Variants in ZEB1 observed in about 807,000 individuals in gnomAD.
ZEB1 encodes the protein zinc finger E-box-binding homeobox 1.
In ZEB1, 21 loss-of-function variants were observed where a neutral mutation model predicts 84.9. The ratio of observed to expected loss-of-function variants is 0.25; its 90% CI spans 0.18 to 0.36. The LOEUF (loss-of-function observed/expected upper bound fraction) is 0.36. ZEB1 is among the 10% of genes least tolerant of loss of function. The probability of loss-of-function intolerance (pLI) is 1.00; values close to 1 mark genes in which losing one functional copy is unlikely to be tolerated. For synonymous variants in ZEB1, 420 were observed against 471.1 expected (o/e 0.89, Z 1.41); for missense variants, 1,104 against 1,330.2 (o/e 0.83, Z 2.65).
chr10:31,408,365 G>T (rs1050858334), intron 1 of ZEB1, among the ~76,000 whole-genome samples: 2 of 151,602 alleles, frequency 1.3e-5, no homozygotes, highest in African/African-American at 4.9e-5. Flanking sequence ...AGCTACCAAT[G>T]ACTTTCTTCA....
intron 1 of ZEB1, among the ~76,000 whole-genome samples, chr10:31,382,067 G>C (rs1468773417): frequency 6.8e-6 from 1 of 148,036 alleles, no homozygotes; most frequent in African/African-American, 2.5e-5. Context: ...CCGACTTCAT[G>C]GCCGGTGAGA....
chr10:31,408,911 A>C (rs1391590915), intron 1 of ZEB1, among the ~76,000 whole-genome samples: 1 of 150,332 alleles, frequency 6.7e-6, no homozygotes, highest in Non-Finnish European at 1.5e-5. Context: ...TAATTAAACT[A>C]AAGAGCTTCT....
At chr10:31,498,358 T>TA (rs1415799267) in intron 3 of ZEB1, among the ~76,000 whole-genome samples, 6 of 152,074 alleles carry the variant, frequency 3.9e-5, no homozygotes, top group African/African-American at 7.2e-5. Context: ...CTAATAGTAA[T>TA]ACATTTTCTC....
intron 1 of ZEB1, among the ~76,000 whole-genome samples, chr10:31,366,502 C>T (rs1472160530): frequency 2.0e-5 from 3 of 152,086 alleles, no homozygotes; most frequent in Admixed American, 6.5e-5. Context: ...ATTTTCAAAG[C>T]CAGGGTTACA....
chr10:31,386,184 G>T (rs2135063743), intron 1 of ZEB1, among the ~76,000 whole-genome samples: 1 of 151,564 alleles, frequency 6.6e-6, no homozygotes, highest in South Asian at 2.1e-4. Flanking sequence ...TTCTTCTTCT[G>T]ATATTTGATA....
At chr10:31,506,039 G>A (rs2068921164) in intron 4 of ZEB1, among the ~76,000 whole-genome samples, 2 of 151,842 alleles carry the variant, frequency 1.3e-5, no homozygotes, top group South Asian at 4.1e-4. Flanking sequence ...TTATTCAAAA[G>A]CATGTTGTTT....
Position 31,452,359 on chromosome 10 carries a change from CATT to C in ZEB1, c.59-8675_59-8673del, listed in dbSNP as rs550263932. On this transcript the variant is annotated intron_variant, in intron 1 of 8. Transcript: ENST00000424869. ...AAAATATATATAGACAGTAAGCTAACATTATCAGTTCGGTCAAAAGTCAGATTA... is the reference window on the plus strand; with the variant it reads ...AAAATATATATAGACAGTAAGCTAACATCAGTTCGGTCAAAAGTCAGATTA... 2.6e-3 allele frequency among the ~76,000 whole-genome samples: 399 copies of C among 152,034 alleles called. 2 individuals are homozygous for C. The highest frequency in any genetic ancestry group is 9.1e-3 in the African/African-American group (379 of 41,476).
chr10:31,321,182 C>T, intron 1 of ZEB1: 1 of 1,088,718 alleles, frequency 9.2e-7, no homozygotes, highest in Non-Finnish European at 1.1e-6. Flanking sequence ...TGTAACCTTT[C>T]CTGGCAATTT....
At chr10:31,416,448 C>T (rs1357235793) in intron 1 of ZEB1, among the ~76,000 whole-genome samples, 1 of 152,036 alleles carries the variant, frequency 6.6e-6, no homozygotes, top group East Asian at 1.9e-4. Flanking sequence ...TCACAATTAC[C>T]TACATAATGG....
At chr10:31,493,208 A>C (rs1265613149) in intron 2 of ZEB1, among the ~76,000 whole-genome samples, 2 of 152,006 alleles carry the variant, frequency 1.3e-5, no homozygotes, top group Admixed American at 6.6e-5. Flanking sequence ...AAATGAAATC[A>C]TACAGTATGT....
intron 2 of ZEB1, among the ~76,000 whole-genome samples, chr10:31,482,376 C>G (rs188827792): frequency 6.6e-6 from 1 of 150,718 alleles, no homozygotes; most frequent in East Asian, 2.0e-4. Flanking sequence ...AGCAACTTGT[C>G]AAAGACAAAC....
intron 1 of ZEB1, among the ~76,000 whole-genome samples, chr10:31,423,297 A>G (rs568241404): frequency 6.6e-6 from 1 of 152,244 alleles, no homozygotes; most frequent in East Asian, 1.9e-4. Flanking sequence ...ATTTACCACA[A>G]TTAACTAAAA....
rs2032971937 is a variant in ZEB1 at position 31,319,245 on chromosome 10, G to A, written c.11G>A (p.Gly4Asp). 3.1e-6 allele frequency: 5 copies of A among 1,609,974 alleles called. No homozygotes were observed. The highest frequency in any genetic ancestry group is 4.2e-6 in the Non-Finnish European group (5 of 1,178,690). Residue 4 changes from glycine (G) to aspartate (D), a missense_variant, in exon 1 of 9, where the codon GGC (glycine) becomes GAC (aspartate). By Grantham distance (94) the Gly-to-Asp change is moderately conservative. Transcript: ENST00000424869. MAD[G>D]PRCKRRKQAN... is the part of the protein sequence containing the mutation. ...ACAAGCGAGAGGATCATGGCGGATGGCCCCAGGTGTAAGCGCAGAAAGCAG... is the reference window on the plus strand; with the variant it reads ...ACAAGCGAGAGGATCATGGCGGATGACCCCAGGTGTAAGCGCAGAAAGCAG...
At chr10:31,361,963 CGG>C in intron 1 of ZEB1, among the ~76,000 whole-genome samples, 1 of 138,424 alleles carries the variant, frequency 7.2e-6, no homozygotes, top group Non-Finnish European at 1.6e-5. Context: ...GACGGGACGG[CGG>C]CAGGGCAGAG....
intron 1 of ZEB1, among the ~76,000 whole-genome samples, chr10:31,374,590 T>C (rs2046274239): frequency 6.6e-6 from 1 of 151,780 alleles, no homozygotes; most frequent in African/African-American, 2.4e-5. Context: ...ACCAATACTA[T>C]AAAATGGCAT....
At chr10:31,493,111 C>G (rs1018494496) in intron 2 of ZEB1, among the ~76,000 whole-genome samples, 2 of 151,844 alleles carry the variant, frequency 1.3e-5, no homozygotes, top group African/African-American at 4.8e-5. Context: ...ACATGTTCAC[C>G]CCTGTCCCTC....
intron 1 of ZEB1, chr10:31,381,639 A>G (rs2047651897): frequency 6.6e-6 from 1 of 152,204 alleles, no homozygotes; most frequent in Admixed American, 6.5e-5. Context: ...AAGAATGTCT[A>G]AAACAGTGAT....
chr10:31,357,855 C>G (rs1353441274), intron 1 of ZEB1, among the ~76,000 whole-genome samples: 1 of 152,048 alleles, frequency 6.6e-6, no homozygotes, highest in Non-Finnish European at 1.5e-5. Flanking sequence ...CTACTCTACT[C>G]TTTATCCATA....
chr10:31,452,732 TGTGTGTGTGTGA>T (rs968822797), intron 1 of ZEB1, among the ~76,000 whole-genome samples: 4 of 111,892 alleles, frequency 3.6e-5, no homozygotes, highest in South Asian at 2.8e-4. Context: ...TGTGTGTGTG[TGTGTGTGTGTGA>T]GAGAGAGAGA....
Sources: gnomAD v4.1 joint callset for allele counts (sites outside exome capture counted in the v4.1 genomes callset) on GRCh38, gnomAD v4.1.1 for gene constraint, MANE v1.5 for transcripts, NCBI Gene and HGNC (gene_info 2026-07-23, HGNC 2026-07-21) for gene names.